The following SRCAP variants were observed in gnomAD, a reference collection of about 807,000 sequenced individuals.
SRCAP encodes Snf2 related CREBBP activator protein.
Under a neutral mutation model 263.1 loss-of-function variants are expected in SRCAP, and 46 were observed. The observed-to-expected ratio is 0.17, with a 90% CI of 0.14 to 0.22. The LOEUF (loss-of-function observed/expected upper bound fraction) is 0.22. SRCAP is among the 10% of genes least tolerant of loss of function. The pLI, the probability that SRCAP is intolerant of heterozygous loss-of-function variation, is 1.00. For missense variants in SRCAP, 3,695 were observed against 4,181.9 expected (o/e 0.88, Z 3.21); for synonymous variants, 1,813 against 1,662.1 (o/e 1.09, Z -2.21).
intron 18 of SRCAP, among the ~76,000 whole-genome samples, chr16:30,719,891 G>A (rs566650851): frequency 8.5e-5 from 13 of 152,078 alleles, no homozygotes; most frequent in Non-Finnish European, 7.4e-5. Flanking sequence ...TTTGGCGTAC[G>A]ATTGATCCTG....
At chr16:30,728,587 A>G (rs1266180035) in intron 25 of SRCAP, among the ~76,000 whole-genome samples, 2 of 152,200 alleles carry the variant, frequency 1.3e-5, no homozygotes, top group Non-Finnish European at 2.9e-5. Context: ...AGAAGGCTAT[A>G]GTCCTGGAGT....
rs2053019998 is a variant in SRCAP at position 30,722,437 on chromosome 16, G to A, written c.3707-126G>A. The A allele has an allele frequency of 3.3e-6, 5 of 1,502,702 alleles. No individual in the cohort carries two copies. In the South Asian group the frequency reaches 6.4e-5, roughly 19 times the overall value. 93.1% of individuals were successfully genotyped at this position (1,502,702 alleles called of 1,614,324 possible). A position where few individuals can be genotyped will look rare whatever the true frequency, so the allele number is the denominator to read the frequency against. On this transcript the variant is annotated intron_variant, in intron 22 of 33. Coordinates refer to ENST00000262518, the MANE Select transcript of SRCAP (RefSeq NM_006662.3). ...CATGGTTGGAGGGATCTTGGATAAA[G>A]ATAGGGAAGAGGTCATTCTAGAGAA...
rs936562877 is a variant in SRCAP at position 30,716,274 on chromosome 16, A to G, written c.2631-19A>G. The G allele has an allele frequency of 1.9e-6, 3 of 1,613,112 alleles. No individual in the cohort carries two copies. The highest frequency in any genetic ancestry group is 1.3e-5 in the African/African-American group (1 of 74,862). ...AGGTGGCTGTTAGGACGTCTCATTTATTTTTCCTCTTTCCCCAGAACTAAG... is the reference window on the plus strand; with the variant it reads ...AGGTGGCTGTTAGGACGTCTCATTTGTTTTTCCTCTTTCCCCAGAACTAAG... On this transcript the variant is annotated intron_variant, in intron 17 of 33. Coordinates refer to ENST00000262518, the MANE Select transcript of SRCAP (RefSeq NM_006662.3).
rs75125670 is a variant in SRCAP at position 30,737,611 on chromosome 16, C to T, written c.7571C>T (p.Ser2524Phe). 2 of 1,613,922 alleles carry T rather than the reference C, an allele frequency of 1.2e-6. No homozygotes were observed. The highest frequency in any genetic ancestry group is 3.3e-5 in the Admixed American group (2 of 60,008). The stretch of plus-strand genomic sequence containing the variant: ...GCCCAAACCTGTCTTGTAACTCCTT[C>T]CTCTCCTCTCTTGCTTGGTCCACCT... ...PPAQTCLVTP[S>F]SPLLLGPPSV... Residue 2524 changes from serine to phenylalanine, a missense_variant, in exon 34 of 34, where the codon TCC (serine) becomes TTC (phenylalanine). By Grantham distance (155) the Ser-to-Phe change is radical. Coordinates refer to ENST00000262518, the MANE Select transcript of SRCAP (RefSeq NM_006662.3).
chr16:30,739,818 T>C lies in SRCAP; in HGVS notation c.*85T>C. ...ACTCTGTTAACCACTACTTGAAGTC[T>C]TGAGGGGGAAAGCCTCCAGGGAGAC... On this transcript the variant is annotated 3_prime_UTR_variant, in exon 34 of 34. Transcript: ENST00000262518. The C allele has an allele frequency of 7.0e-7, 1 of 1,423,076 alleles. No individual in the cohort carries two copies. Among genetic ancestry groups the C allele is most frequent in the Non-Finnish European group, 9.2e-7 (1 of 1,085,582 alleles). 88.2% of individuals were successfully genotyped at this position (1,423,076 alleles called of 1,614,324 possible). A position where few individuals can be genotyped will look rare whatever the true frequency, so the allele number is the denominator to read the frequency against.
intron 27 of SRCAP, 70 bp downstream of exon 27, chr16:30,729,642 A>T: frequency 6.4e-7 from 1 of 1,564,940 alleles, no homozygotes; most frequent in Non-Finnish European, 8.8e-7. Context: ...GTTGTATCAG[A>T]GGGATGCTGC....
chr16:30,713,731 G>T lies in SRCAP; in HGVS notation c.2493+20G>T. 5 of 1,611,442 alleles carry T rather than the reference G, an allele frequency of 3.1e-6. No homozygotes were observed. The South Asian group carries it at 4.4e-5, about 14-fold the overall frequency. On this transcript the variant is annotated intron_variant, in intron 16 of 33. Transcript: ENST00000262518. ...CACAAGGTAGGGCCTGCAACAGTTT[G>T]TCAGGGTATTGGGAATGGTAAGGAA... is the stretch of plus-strand genomic sequence containing the variant.
intron 3 of SRCAP, among the ~76,000 whole-genome samples, chr16:30,703,466 T>C (rs2052791454): frequency 6.6e-6 from 1 of 150,826 alleles, no homozygotes; most frequent in African/African-American, 2.4e-5. Context: ...AGTGCTGGGA[T>C]CACAAGCATG....
chr16:30,702,573 C>G (rs1334056403), intron 3 of SRCAP, among the ~76,000 whole-genome samples: 1 of 116,932 alleles, frequency 8.6e-6, no homozygotes, highest in Non-Finnish European at 1.8e-5. Context: ...TCCCTTCCCT[C>G]CCTCCCTCCC....
chr16:30,737,651 T>G lies in SRCAP; in HGVS notation c.7611T>G (p.Ser2537=). Residue 2537 remains serine, a synonymous_variant, in exon 34 of 34, where the codon TCT becomes TCG. Transcript: ENST00000262518. ...TTGGTCCACCTTCTGTGCCCATCTC[T>G]GCCTCAGTCACTAATCTCCCCTTGG... The part of the protein sequence containing the change: ...LLLGPPSVPI[S]ASVTNLPLGL... 1 of 1,614,118 alleles carries G rather than the reference T, an allele frequency of 6.2e-7. No individual in the cohort carries two copies. The highest frequency in any genetic ancestry group is 8.5e-7 in the Non-Finnish European group (1 of 1,180,028).
At chr16:30,710,432 C>T (rs1211947646) in intron 8 of SRCAP, 8 of 678,176 alleles carry the variant, frequency 1.2e-5, no homozygotes, top group Non-Finnish European at 2.1e-5. Flanking sequence ...CTAATGTTCC[C>T]TTATTGGCTT....
At chr16:30,708,152 A>G (rs775272465) in intron 6 of SRCAP, among the ~76,000 whole-genome samples, 3 of 152,090 alleles carry the variant, frequency 2.0e-5, no homozygotes, top group African/African-American at 4.8e-5. Flanking sequence ...CCATTTACAC[A>G]TAGACTTTAT....
At chr16:30,703,403 A>C (rs1330901573) in intron 3 of SRCAP, among the ~76,000 whole-genome samples, 3 of 150,428 alleles carry the variant, frequency 2.0e-5, no homozygotes, top group Non-Finnish European at 3.0e-5. Context: ...CATGTTGGCC[A>C]GGTTGGTCTC....
At chr16:30,710,275 G>GA in intron 8 of SRCAP, 147 bp downstream of exon 8, 1 of 885,196 alleles carries the variant, frequency 1.1e-6, no homozygotes, top group Non-Finnish European at 1.7e-6. Context: ...GACTGGGGAA[G>GA]AATCTGTTTG....
In SRCAP at chr16:30,740,033, T is replaced by A; in HGVS notation, c.*300T>A. On this transcript the variant is annotated 3_prime_UTR_variant, in exon 34 of 34. Coordinates refer to ENST00000262518, the MANE Select transcript of SRCAP (RefSeq NM_006662.3). ...CTGTCTTTCACACAGCCCCCCACCC[T>A]TAGGGGAAGGGGGAGGGGCTTCTCT... 1.1e-5 allele frequency: 3 copies of A among 284,756 alleles called. No individual in the cohort carries two copies. The highest frequency in any genetic ancestry group is 1.9e-5 in the Non-Finnish European group (3 of 154,492). 17.6% of individuals were successfully genotyped at this position (284,756 alleles called of 1,614,324 possible).
chr16:30,713,453 C>T, intron 15 of SRCAP, 66 bp from the exon 16 acceptor site: 1 of 1,610,432 alleles, frequency 6.2e-7, no homozygotes, highest in Non-Finnish European at 8.5e-7. Context: ...AGGAATGTAT[C>T]AGAATGCTCA....
Position 30,712,096 on chromosome 16 carries a change from C to G in SRCAP, c.1754C>G (p.Thr585Ser). 1 of 1,614,168 alleles carries G rather than the reference C, an allele frequency of 6.2e-7. No individual in the cohort carries two copies. The highest frequency in any genetic ancestry group is 1.1e-5 in the South Asian group (1 of 91,086). ...PTTLGPKKEI[T>S]DIAAAAESLQ... The stretch of plus-strand genomic sequence containing the variant: ...ACTCTAGGTCCAAAGAAAGAAATTA[C>G]TGACATTGCTGCAGCAGCTGAAAGT... The change falls in exon 12 of 34, where the codon ACT (threonine) becomes AGT (serine). Residue 585 changes from threonine to serine, a missense_variant. By Grantham distance (58) the Thr-to-Ser change is moderately conservative. Transcript: ENST00000262518.
chr16:30,736,322 AGCT>A lies in SRCAP; in HGVS notation c.6854_6856del (p.Ala2285del). The A allele has an allele frequency of 6.2e-7, 1 of 1,614,140 alleles. No homozygotes were observed. Among genetic ancestry groups the A allele is most frequent in the East Asian group, 2.2e-5 (1 of 44,884 alleles). On this transcript the variant is annotated inframe_deletion, in exon 32 of 34. Transcript: ENST00000262518. ...GGTTTCCTGCTGGTGAGGGAGAGGAAGCTGGCCGGCCTGGGGCTGAGGATGAGG... is the reference window on the plus strand; with the variant it reads ...GGTTTCCTGCTGGTGAGGGAGAGGAAGGCCGGCCTGGGGCTGAGGATGAGG...
chr16:30,711,384 C>A (rs1467274262), intron 10 of SRCAP, among the ~76,000 whole-genome samples, 187 bp from the exon 11 acceptor site: 5 of 152,198 alleles, frequency 3.3e-5, no homozygotes, highest in Admixed American at 3.3e-4. Flanking sequence ...TCCCAATTCC[C>A]ATGGTACTTC....
Sources: gnomAD v4.1 joint callset for allele counts (sites outside exome capture counted in the v4.1 genomes callset) on GRCh38, gnomAD v4.1.1 for gene constraint, MANE v1.5 for transcripts, NCBI Gene and HGNC (gene_info 2026-07-23, HGNC 2026-07-21) for gene names.